The following RUNDC3B variants were observed in gnomAD, a reference collection of about 807,000 sequenced individuals.
RUNDC3B encodes the protein RUN domain-containing protein 3B.
Under a neutral mutation model 58.4 loss-of-function variants are expected in RUNDC3B, and 33 were observed. The observed-to-expected ratio is 0.56, with a 90% CI of 0.43 to 0.75. RUNDC3B has a LOEUF of 0.75. RUNDC3B is among the 30% of genes least tolerant of loss of function. The pLI, the probability that RUNDC3B is intolerant of heterozygous loss-of-function variation, is 0.00. For synonymous variants in RUNDC3B, 193 were observed against 195.2 expected, an observed-to-expected ratio of 0.99 and a Z score of 0.10; for missense variants, 501 against 535.7, an observed-to-expected ratio of 0.94 and a Z score of 0.64.
chr7:87,739,214 T>G (rs993360089), intron 4 of RUNDC3B, among the ~76,000 whole-genome samples: 1 of 151,988 alleles, frequency 6.6e-6, no homozygotes, highest in African/African-American at 2.4e-5. Context: ...CAAGGAGATA[T>G]TGAATACTTT....
chr7:87,802,762 T>G (rs74447105), intron 8 of RUNDC3B, among the ~76,000 whole-genome samples: 1 of 152,116 alleles, frequency 6.6e-6, no homozygotes, highest in African/African-American at 2.4e-5. Context: ...CCCAGCACTT[T>G]AGGAGGCCTA....
chr7:87,648,114 G>GTGTCTTTACATGGCAGAAGAGGCAAACAA (rs1563101409), intron 1 of RUNDC3B, among the ~76,000 whole-genome samples: 3 of 151,134 alleles, frequency 2.0e-5, no homozygotes, highest in Non-Finnish European at 4.4e-5. Context: ...GAACCGGGGT[G>GTGTCTTTACATGGCAGAAGAGGCAAACAA]GCATAGCTTA....
intron 6 of RUNDC3B, among the ~76,000 whole-genome samples, chr7:87,751,028 C>G (rs1832949538): frequency 6.6e-6 from 1 of 152,160 alleles, no homozygotes; most frequent in South Asian, 2.1e-4. Flanking sequence ...ACGTTTAAGT[C>G]TTTAATCCCT....
intron 1 of RUNDC3B, among the ~76,000 whole-genome samples, chr7:87,629,969 A>G (rs945422874): frequency 2.6e-5 from 4 of 152,082 alleles, no homozygotes; most frequent in African/African-American, 9.7e-5. Context: ...ATTCAGAGAT[A>G]ACTGGTTTTT....
chr7:87,727,847 C>G (rs1436183780), intron 4 of RUNDC3B, among the ~76,000 whole-genome samples: 1 of 151,950 alleles, frequency 6.6e-6, no homozygotes, highest in African/African-American at 2.4e-5. Flanking sequence ...AATTAAGTAA[C>G]AAAGAGACAA....
intron 8 of RUNDC3B, among the ~76,000 whole-genome samples, chr7:87,799,712 G>A (rs187642823): frequency 7.9e-5 from 12 of 151,780 alleles, no homozygotes; most frequent in African/African-American, 2.7e-4. Context: ...CATGTTGAAA[G>A]CCCGTCTCTA....
In RUNDC3B at chr7:87,818,597, A is replaced by G. The variant is rs1837210130; in HGVS notation, c.1225+2335A>G. Among the ~76,000 whole-genome samples the G allele has an allele frequency of 2.6e-5, 4 of 152,322 alleles. No homozygotes were observed. In the South Asian group the frequency reaches 8.3e-4, roughly 32 times the overall value. ...AACAAATAAAACCACACAAAACCCA[A>G]GCTTTCAGCATAAACAGCAGACATT... On this transcript the variant is annotated intron_variant, in intron 10 of 10. Transcript: ENST00000394654.
chr7:87,719,059 G>A (rs893310579), intron 4 of RUNDC3B, among the ~76,000 whole-genome samples: 4 of 151,976 alleles, frequency 2.6e-5, no homozygotes, highest in Non-Finnish European at 5.9e-5. Flanking sequence ...AGTAACACAT[G>A]TAACATAGTT....
intron 10 of RUNDC3B, among the ~76,000 whole-genome samples, chr7:87,819,940 G>C (rs1025007104): frequency 7.9e-5 from 12 of 152,078 alleles, no homozygotes; most frequent in African/African-American, 2.7e-4. Context: ...AAGCAGGAAA[G>C]ATCCAAAATT....
At chr7:87,787,333 TA>T (rs1835276429) in intron 8 of RUNDC3B, among the ~76,000 whole-genome samples, 1 of 152,070 alleles carries the variant, frequency 6.6e-6, no homozygotes, top group South Asian at 2.1e-4. Flanking sequence ...CCTGAGAAGA[TA>T]AAAGTAGCCC....
At chr7:87,715,611 C>G (rs1830515049) in intron 4 of RUNDC3B, among the ~76,000 whole-genome samples, 1 of 148,434 alleles carries the variant, frequency 6.7e-6, no homozygotes, top group African/African-American at 2.5e-5. Context: ...TTCTCTTTAA[C>G]TCTTAGAGAC....
intron 2 of RUNDC3B, among the ~76,000 whole-genome samples, chr7:87,678,038 G>T (rs1377393205): frequency 6.6e-6 from 1 of 152,138 alleles, no homozygotes; most frequent in East Asian, 1.9e-4. Context: ...TAAAAGAAAT[G>T]CTAACAAAAG....
At chr7:87,727,076 T>G (rs759132169) in intron 4 of RUNDC3B, among the ~76,000 whole-genome samples, 2 of 152,354 alleles carry the variant, frequency 1.3e-5, no homozygotes, top group Non-Finnish European at 1.5e-5. Context: ...GAATACCCTT[T>G]ATTTCTTTCA....
At chr7:87,808,905 A>G (rs1237072048) in intron 9 of RUNDC3B, among the ~76,000 whole-genome samples, 1 of 152,068 alleles carries the variant, frequency 6.6e-6, no homozygotes, top group Non-Finnish European at 1.5e-5. Flanking sequence ...CTGTTTTTTA[A>G]CTGCAAAAAT....
At chr7:87,635,243 A>C (rs759273338) in intron 1 of RUNDC3B, among the ~76,000 whole-genome samples, 18 of 152,184 alleles carry the variant, frequency 1.2e-4, no homozygotes, top group Admixed American at 1.1e-3. Context: ...ACACTCTTCT[A>C]TCCCCAACTG....
chr7:87,826,153 T>C, intron 10 of RUNDC3B, among the ~76,000 whole-genome samples: 1 of 152,116 alleles, frequency 6.6e-6, no homozygotes. Context: ...CCCACCGAAA[T>C]CTTATCTTGA....
chr7:87,734,512 C>T (rs1303815938), intron 4 of RUNDC3B, among the ~76,000 whole-genome samples: 1 of 152,084 alleles, frequency 6.6e-6, no homozygotes, highest in Non-Finnish European at 1.5e-5. Flanking sequence ...CAATCCTACC[C>T]TTATAGAACA....
intron 7 of RUNDC3B, among the ~76,000 whole-genome samples, chr7:87,773,082 G>A (rs1319031625): frequency 6.6e-6 from 1 of 152,068 alleles, no homozygotes; most frequent in Non-Finnish European, 1.5e-5. Flanking sequence ...CCAGCACTTT[G>A]GGAGGCCGAG....
intron 8 of RUNDC3B, among the ~76,000 whole-genome samples, chr7:87,788,064 A>G (rs753334115): frequency 9.2e-5 from 14 of 152,202 alleles, no homozygotes; most frequent in Non-Finnish European, 2.1e-4. Flanking sequence ...TGTCAGTCAT[A>G]TGTTTGATGC....
Sources: allele counts gnomAD v4.1 joint callset (sites outside exome capture counted in the v4.1 genomes callset), GRCh38; gene constraint gnomAD v4.1.1; transcripts MANE v1.5; gene names NCBI Gene and HGNC (gene_info 2026-07-23, HGNC 2026-07-21).